FGD6: variants seen among roughly 807,000 people sequenced by gnomAD.
The protein encoded by FGD6 is FYVE, RhoGEF and PH domain-containing protein 6.
Under a neutral mutation model 149.4 loss-of-function variants are expected in FGD6, and 90 were observed. The ratio of observed to expected loss-of-function variants is 0.60; its 90% CI spans 0.51 to 0.72. The LOEUF (loss-of-function observed/expected upper bound fraction) is 0.72, where lower values mean the gene tolerates loss of function less well. Among genes scored for constraint, FGD6 ranks in the 30% least tolerant of loss-of-function variants. The probability of loss-of-function intolerance (pLI) is 0.00; values close to 1 mark genes in which losing one functional copy is unlikely to be tolerated. For missense variants in FGD6, 1,437 were observed against 1,684.8 expected (o/e 0.85, Z 2.57); for synonymous variants, 527 against 584.0 (o/e 0.90, Z 1.41).
chr12:95,204,973 A>G (rs1317841821), intron 2 of FGD6, among the ~76,000 whole-genome samples: 1 of 152,212 alleles, frequency 6.6e-6, no homozygotes, highest in East Asian at 1.9e-4. Flanking sequence ...GTTGTTATAA[A>G]TTTGTAAATG....
intron 2 of FGD6, among the ~76,000 whole-genome samples, chr12:95,188,724 G>A (rs1204882925): frequency 2.0e-5 from 3 of 151,786 alleles, no homozygotes; most frequent in East Asian, 1.9e-4. Context: ...AAACAAATAC[G>A]TAAAGAACTG....
At position 95,084,485 on chromosome 12, in the gene FGD6, C is replaced by G; in HGVS notation, c.4256+13G>C. 1.3e-6 allele frequency: 2 copies of G among 1,514,178 alleles called. No homozygotes were observed. The highest frequency in any genetic ancestry group is 1.8e-6 in the Non-Finnish European group (2 of 1,137,860). 93.8% of individuals were successfully genotyped at this position (1,514,178 alleles called of 1,614,324 possible). ...TCTCATGAATAAAAGAAAAATATGG[C>G]CAGATTACTTACTTCTGAGCCGAAT... is the stretch of plus-strand genomic sequence containing the variant. On this transcript the variant is annotated intron_variant, in intron 20 of 20. Transcript: ENST00000343958.
rs1400103362 is a variant in FGD6, at chr12:95,130,144, T to C, written c.3082+4595A>G. ...GAGATTGCCCAAATAGAATACCCTATAGAAACCCAAAGTAAGTCCAGAAAA... is the reference window on the plus strand; with the variant it reads ...GAGATTGCCCAAATAGAATACCCTACAGAAACCCAAAGTAAGTCCAGAAAA... On this transcript the variant is annotated intron_variant, in intron 8 of 20. Transcript: ENST00000343958. 5.3e-5 allele frequency among the ~76,000 whole-genome samples: 8 copies of C among 151,608 alleles called. 1 individual carries two copies. In the East Asian group the frequency reaches 1.5e-3, roughly 29 times the overall value.
intron 2 of FGD6, among the ~76,000 whole-genome samples, chr12:95,205,969 C>T (rs1005387238): frequency 5.3e-5 from 8 of 152,312 alleles, no homozygotes; most frequent in Middle Eastern, 3.4e-3. Flanking sequence ...CCCTGGTTTC[C>T]TGTGGCCTCC....
At chr12:95,134,595 A>G in intron 8 of FGD6, 144 bp downstream of exon 8, 1 of 727,960 alleles carries the variant, frequency 1.4e-6, no homozygotes, top group Non-Finnish European at 2.5e-6. Flanking sequence ...TGTAAAGTAT[A>G]TAAGCAATCT....
Position 95,113,637 on chromosome 12 carries a change from C to T in FGD6, c.3133+14G>A. The T allele has an allele frequency of 1.3e-6, 2 of 1,580,734 alleles. No individual in the cohort carries two copies. The highest frequency in any genetic ancestry group is 1.2e-5 in the South Asian group (1 of 86,872). On this transcript the variant is annotated intron_variant, in intron 9 of 20. Transcript: ENST00000343958. ...CATAATATAAAAACTTCTGCAACCA[C>T]AGAAGTTATTTACCTTGAGTGTCTC...
chr12:95,206,680 G>A (rs2056694230), intron 2 of FGD6, among the ~76,000 whole-genome samples: 2 of 150,286 alleles, frequency 1.3e-5, no homozygotes. Flanking sequence ...GAGACAGAGA[G>A]GGGACCCTGT....
chr12:95,118,752 A>C (rs1231602791), intron 8 of FGD6, among the ~76,000 whole-genome samples: 1 of 152,210 alleles, frequency 6.6e-6, no homozygotes, highest in Non-Finnish European at 1.5e-5. Context: ...GGGATCAGCA[A>C]CACATACAGA....
In FGD6 at chr12:95,077,563, A is replaced by T. The variant is rs1435657879; in HGVS notation, c.*3957T>A. 1 of 152,236 alleles carries T rather than the reference A, an allele frequency of 6.6e-6. No individual in the cohort carries two copies. Among genetic ancestry groups the T allele is most frequent in the Non-Finnish European group, 1.5e-5 (1 of 68,052 alleles). 9.4% of individuals were successfully genotyped at this position (152,236 alleles called of 1,614,324 possible). A position where few individuals can be genotyped will look rare whatever the true frequency, so the allele number is the denominator to read the frequency against. On this transcript the variant is annotated 3_prime_UTR_variant, in exon 21 of 21. Transcript: ENST00000343958. ...CTGGGAAAGCCACTGAGGCATGTAA[A>T]AGTGGGGATGAAACTAGATTAGAGC... is the stretch of plus-strand genomic sequence containing the variant.
chr12:95,167,298 T>C (rs1478449854), intron 3 of FGD6, among the ~76,000 whole-genome samples: 1 of 152,174 alleles, frequency 6.6e-6, no homozygotes, highest in Non-Finnish European at 1.5e-5. Context: ...CATTTAAACT[T>C]TTCAGAGCTG....
intron 2 of FGD6, among the ~76,000 whole-genome samples, chr12:95,174,541 G>T (rs933582811): frequency 6.6e-6 from 1 of 152,118 alleles, no homozygotes; most frequent in Non-Finnish European, 1.5e-5. Flanking sequence ...GCTCTAAAAG[G>T]CTTTTTGATC....
At chr12:95,142,113 G>A (rs1440918931) in intron 5 of FGD6, among the ~76,000 whole-genome samples, 3 of 150,724 alleles carry the variant, frequency 2.0e-5, no homozygotes, top group African/African-American at 4.9e-5. Context: ...GACTACAGGC[G>A]CGTGCCACCA....
intron 6 of FGD6, 68 bp downstream of exon 6, chr12:95,141,320 T>A: frequency 6.8e-7 from 1 of 1,473,472 alleles, no homozygotes; most frequent in Admixed American, 1.8e-5. Flanking sequence ...CTCTGTCACA[T>A]GTGGGGCCCT....
chr12:95,133,297 A>G (rs1879576817), intron 8 of FGD6, among the ~76,000 whole-genome samples: 1 of 152,176 alleles, frequency 6.6e-6, no homozygotes, highest in South Asian at 2.1e-4. Context: ...GCACACCTGT[A>G]ATCCCAGCTA....
intron 2 of FGD6, among the ~76,000 whole-genome samples, chr12:95,189,956 A>G (rs758745881): frequency 1.8e-4 from 28 of 152,154 alleles, no homozygotes; most frequent in Non-Finnish European, 1.8e-4. Context: ...TTTCATTGTA[A>G]AAGTTCCTTT....
chr12:95,145,495 T>G (rs1879985045), intron 5 of FGD6, among the ~76,000 whole-genome samples: 1 of 152,132 alleles, frequency 6.6e-6, no homozygotes, highest in South Asian at 2.1e-4. Context: ...TCAGCAAGAA[T>G]CCTCTTAAGT....
intron 8 of FGD6, among the ~76,000 whole-genome samples, chr12:95,118,392 C>A (rs1879087656): frequency 6.6e-6 from 1 of 151,530 alleles, no homozygotes; most frequent in Admixed American, 6.6e-5. Flanking sequence ...GATGAGGACC[C>A]AATATATACT....
intron 1 of FGD6, among the ~76,000 whole-genome samples, chr12:95,211,479 A>G (rs1488329065): frequency 1.3e-5 from 2 of 152,126 alleles, no homozygotes; most frequent in Non-Finnish European, 2.9e-5. Context: ...ATTTTTAAAT[A>G]AATCCAATAC....
chr12:95,194,782 A>C (rs77600002), intron 2 of FGD6, among the ~76,000 whole-genome samples: 6,673 of 152,266 alleles, frequency 0.044, 201 homozygotes, highest in Middle Eastern at 0.099. Context: ...GTCAATGTTA[A>C]TATACTAGTT....
Sources: gnomAD v4.1 joint callset for allele counts (sites outside exome capture counted in the v4.1 genomes callset) on GRCh38, gnomAD v4.1.1 for gene constraint, MANE v1.5 for transcripts, NCBI Gene and HGNC (gene_info 2026-07-23, HGNC 2026-07-21) for gene names.